The following ZNG1B variants were observed in gnomAD, a reference collection of about 807,000 sequenced individuals.
ZNG1B encodes Zn regulated GTPase metalloprotein activator 1B.
the ZNG1B span, among the ~76,000 whole-genome samples, chr2:113,467,209 T>A: frequency 6.8e-6 from 1 of 146,446 alleles, no homozygotes; most frequent in East Asian, 2.0e-4. Context: ...TAAACTGCTA[T>A]AAGCATGTGT....
At chr2:113,489,582 G>A in the ZNG1B span, among the ~76,000 whole-genome samples, 1 of 152,148 alleles carries the variant, frequency 6.6e-6, no homozygotes, top group African/African-American at 2.4e-5. Context: ...TGCAGAATAG[G>A]TAAGAATTCA....
At chr2:113,480,237 C>T in the ZNG1B span, among the ~76,000 whole-genome samples, 1 of 150,156 alleles carries the variant, frequency 6.7e-6, no homozygotes, top group Admixed American at 6.6e-5. Flanking sequence ...AACTCCTGGA[C>T]TCAAGTGATC....
the ZNG1B span, among the ~76,000 whole-genome samples, chr2:113,439,978 G>A: frequency 2.9e-5 from 4 of 137,246 alleles, no homozygotes; most frequent in Non-Finnish European, 4.6e-5. Flanking sequence ...TCCGCCTGCC[G>A]GGTTCACGCC....
the ZNG1B span, chr2:113,494,672 C>T: frequency 5.9e-6 from 5 of 851,698 alleles, 1 homozygote; most frequent in South Asian, 5.0e-5. Flanking sequence ...TTTATTTCAT[C>T]ATTGTTCATT....
At chr2:113,453,721 C>T in the ZNG1B span, among the ~76,000 whole-genome samples, 1 of 146,346 alleles carries the variant, frequency 6.8e-6, no homozygotes, top group Non-Finnish European at 1.5e-5. Flanking sequence ...TGTCACTCAA[C>T]TTCCAATTTA....
chr2:113,481,976 T>C, the ZNG1B span: 10 of 876,294 alleles, frequency 1.1e-5, no homozygotes, highest in African/African-American at 1.0e-4. Flanking sequence ...AATGTGTGGG[T>C]TTTTTTTAAG....
At chr2:113,445,307 T>G in the ZNG1B span, 138 of 411,324 alleles carry the variant, frequency 3.4e-4, no homozygotes, top group African/African-American at 2.6e-3. Flanking sequence ...GGATTATTTG[T>G]AAGAACAGAA....
chr2:113,449,641 G>A, the ZNG1B span, among the ~76,000 whole-genome samples: 1 of 139,646 alleles, frequency 7.2e-6, no homozygotes, highest in Middle Eastern at 3.6e-3. Context: ...GTCTTTTCAA[G>A]TTACAGGTAC....
At chr2:113,487,603 C>T in the ZNG1B span, among the ~76,000 whole-genome samples, 14 of 151,528 alleles carry the variant, frequency 9.2e-5, no homozygotes, top group African/African-American at 3.4e-4. Flanking sequence ...CTGTTTTAGA[C>T]ACCTGATATT....
the ZNG1B span, chr2:113,465,274 A>T: frequency 2.5e-6 from 1 of 403,972 alleles, no homozygotes; most frequent in Non-Finnish European, 4.6e-6. Flanking sequence ...TATAAGAAAG[A>T]TCTAAGTGCA....
At chr2:113,487,688 T>C in the ZNG1B span, among the ~76,000 whole-genome samples, 22 of 150,806 alleles carry the variant, frequency 1.5e-4, no homozygotes, top group African/African-American at 5.5e-4. Flanking sequence ...GATTCATCCA[T>C]GTTGTAGTAT....
the ZNG1B span, chr2:113,444,970 T>C: frequency 6.2e-7 from 1 of 1,610,468 alleles, no homozygotes; most frequent in South Asian, 1.1e-5. Flanking sequence ...CCAGGGACAA[T>C]GGCCTTAGAG....
chr2:113,489,979 CAG>C, the ZNG1B span, among the ~76,000 whole-genome samples: 2 of 148,516 alleles, frequency 1.3e-5, no homozygotes, highest in South Asian at 4.4e-4. Flanking sequence ...AACAAAGAAA[CAG>C]TGGATTTAAA....
At chr2:113,457,627 A>AC in the ZNG1B span, among the ~76,000 whole-genome samples, 6 of 150,084 alleles carry the variant, frequency 4.0e-5, no homozygotes, top group Non-Finnish European at 7.4e-5. Flanking sequence ...TCTCTCCCTA[A>AC]CCCCCCCAGC....
At chr2:113,438,100 C>T in the ZNG1B span, 1 of 1,601,216 alleles carries the variant, frequency 6.2e-7, no homozygotes, top group Non-Finnish European at 8.5e-7. Flanking sequence ...GCCTCTTCTC[C>T]TGAGGCATTG....
the ZNG1B span, among the ~76,000 whole-genome samples, chr2:113,493,058 A>C: frequency 1.6e-5 from 2 of 128,880 alleles, no homozygotes; most frequent in Middle Eastern, 7.2e-3. Context: ...AGATTTATCA[A>C]GATAAAGAAG....
At chr2:113,490,355 T>C in the ZNG1B span, among the ~76,000 whole-genome samples, 2 of 152,034 alleles carry the variant, frequency 1.3e-5, no homozygotes, top group African/African-American at 2.4e-5. Context: ...ACAGCAAAGG[T>C]GGTGCTAAGA....
chr2:113,476,297 C>T, the ZNG1B span, among the ~76,000 whole-genome samples: 8 of 151,874 alleles, frequency 5.3e-5, no homozygotes, highest in African/African-American at 1.9e-4. Flanking sequence ...CCTGAGGCTT[C>T]TGCATTCTTC....
chr2:113,488,413 A>G, the ZNG1B span, among the ~76,000 whole-genome samples: 4 of 152,176 alleles, frequency 2.6e-5, no homozygotes, highest in African/African-American at 9.7e-5. Context: ...TACCCAAATG[A>G]GAAGGAACCA....
Sources: allele counts gnomAD v4.1 joint callset (sites outside exome capture counted in the v4.1 genomes callset), GRCh38; gene constraint gnomAD v4.1.1; transcripts MANE v1.5; gene names NCBI Gene and HGNC (gene_info 2026-07-23, HGNC 2026-07-21).